Variants in CD300C observed in about 807,000 individuals in gnomAD.
CD300C encodes the protein CMRF35-like molecule 6.
Under a neutral mutation model 18.4 loss-of-function variants are expected in CD300C, and 11 were observed. That is an observed-to-expected ratio of 0.60 (90% CI 0.38 to 0.99). The LOEUF is 0.99. Ranked by LOEUF, CD300C falls within the 50% of genes least tolerant of loss-of-function variation. The probability of loss-of-function intolerance (pLI) is 0.01; values close to 1 mark genes in which losing one functional copy is unlikely to be tolerated. For synonymous variants in CD300C, 116 were observed against 116.3 expected (o/e 1.00, Z 0.02); for missense variants, 277 against 287.4 (o/e 0.96, Z 0.26).
the CD300C span, among the ~76,000 whole-genome samples, chr17:74,535,712 G>A: frequency 0.012 from 1,800 of 151,562 alleles, 41 homozygotes; most frequent in African/African-American, 0.041. Context: ...TTTTTAGTAC[G>A]TTGACTGGTT....
intron 1 of CD300C, 75 bp from the exon 2 acceptor site, chr17:74,545,022 A>G (rs1019979145): frequency 5.1e-6 from 7 of 1,375,152 alleles, no homozygotes; most frequent in Non-Finnish European, 7.0e-6. Flanking sequence ...TCAGCCCCTC[A>G]TGGACCCTGG....
chr17:74,537,713 A>G (rs747014982), downstream of CD300C, among the ~76,000 whole-genome samples: 9 of 152,174 alleles, frequency 5.9e-5, no homozygotes, highest in Non-Finnish European at 2.9e-5. Context: ...GTTCAAAAAT[A>G]AACAAAGCTA....
chr17:74,544,868 C>A lies in CD300C; in HGVS notation c.141G>T (p.Lys47Asn). The change falls in exon 2 of 4, where the codon AAG becomes AAT. Residue 47 changes from lysine to asparagine, a missense_variant. Lys to Asn is a moderately conservative substitution (Grantham distance 94, BLOSUM62 0). Transcript: ENST00000330793. ...AGAATTTGTTGAGGGTCCTGTGTTC[C>A]TTCTCATAGCGACACTGCACACTCA... is the stretch of plus-strand genomic sequence containing the variant. ...GSLSVQCRYE[K>N]EHRTLNKFWC... 1 of 1,614,208 alleles carries A rather than the reference C, an allele frequency of 6.2e-7. No homozygotes were observed. The highest frequency in any genetic ancestry group is 8.5e-7 in the Non-Finnish European group (1 of 1,180,030).
downstream of CD300C, among the ~76,000 whole-genome samples, chr17:74,538,216 C>T (rs932179388): frequency 5.3e-5 from 8 of 152,158 alleles, no homozygotes; most frequent in Admixed American, 3.3e-4. Flanking sequence ...GAGTATGTTG[C>T]TTGGCGCGGT....
intron 3 of CD300C, 27 bp from the exon 4 acceptor site, chr17:74,541,763 A>C (rs998684204): frequency 1.9e-6 from 3 of 1,601,046 alleles, no homozygotes; most frequent in Non-Finnish European, 2.6e-6. Flanking sequence ...ACAGGCAGTG[A>C]GTCACCTCCC....
downstream of CD300C, among the ~76,000 whole-genome samples, chr17:74,537,972 GAGA>G (rs1166196122): frequency 6.6e-6 from 1 of 152,180 alleles, no homozygotes; most frequent in African/African-American, 2.4e-5. Context: ...GGTTTTCTGA[GAGA>G]AGGATAGAAA....
chr17:74,539,287 G>T (rs1437797870), downstream of CD300C, among the ~76,000 whole-genome samples: 1 of 152,102 alleles, frequency 6.6e-6, no homozygotes, highest in Admixed American at 6.5e-5. Context: ...TACACTCTCA[G>T]GGACAGTGTG....
At chr17:74,534,706 A>C in the CD300C span, among the ~76,000 whole-genome samples, 1 of 152,178 alleles carries the variant, frequency 6.6e-6, no homozygotes, top group African/African-American at 2.4e-5. Flanking sequence ...CTGCACTCCA[A>C]CCTGGGTGAC....
At chr17:74,537,411 G>A (rs182767300), downstream of CD300C, among the ~76,000 whole-genome samples, 46 of 152,122 alleles carry the variant, frequency 3.0e-4, no homozygotes, top group African/African-American at 9.4e-4. Flanking sequence ...CAGCACTTTC[G>A]GAGGCTGAGG....
chr17:74,536,115 A>G (rs1329671726), downstream of CD300C, among the ~76,000 whole-genome samples: 1 of 152,020 alleles, frequency 6.6e-6, no homozygotes, highest in Non-Finnish European at 1.5e-5. Flanking sequence ...GATATAGGAT[A>G]ATTTTTTTTT....
chr17:74,544,403 T>C (rs1908672679), intron 2 of CD300C, among the ~76,000 whole-genome samples: 2 of 138,766 alleles, frequency 1.4e-5, no homozygotes, highest in South Asian at 4.8e-4. Context: ...CACATGCAGG[T>C]GCACACACAC....
At chr17:74,538,529 A>G (rs1156690624), downstream of CD300C, among the ~76,000 whole-genome samples, 1 of 152,230 alleles carries the variant, frequency 6.6e-6, no homozygotes, top group East Asian at 1.9e-4. Flanking sequence ...AGCCAGATAC[A>G]TAAGACCAAT....
At chr17:74,537,100 GA>G (rs1172130919), downstream of CD300C, among the ~76,000 whole-genome samples, 2 of 151,502 alleles carry the variant, frequency 1.3e-5, no homozygotes, top group African/African-American at 4.9e-5. Context: ...AGAGTAGGCA[GA>G]AAAGAGTAGA....
rs757457850 is a variant in CD300C, at chr17:74,541,416, C to T, written c.*173G>A. ...ACTCACAGCTCAGGGCGTCCATGTC[C>T]GTCAGGTTCACATGTGACACATGAG... On this transcript the variant is annotated 3_prime_UTR_variant, in exon 4 of 4. Coordinates refer to ENST00000330793, the MANE Select transcript of CD300C (RefSeq NM_006678.5). The T allele has an allele frequency of 3.5e-5, 22 of 635,224 alleles. No individual in the cohort carries two copies. The highest frequency in any genetic ancestry group is 4.8e-5 in the Non-Finnish European group (17 of 351,420). The allele number at this position is 635,224 out of a possible 1,614,324, so 39.3% of individuals were successfully genotyped here.
At chr17:74,542,225 C>T (rs1398105604) in intron 3 of CD300C, among the ~76,000 whole-genome samples, 1 of 152,222 alleles carries the variant, frequency 6.6e-6, no homozygotes, top group Non-Finnish European at 1.5e-5. Flanking sequence ...GAATGGACAG[C>T]TCAGCTCTCA....
Position 74,541,554 on chromosome 17 carries a change from C to G in CD300C, c.*35G>C. On this transcript the variant is annotated 3_prime_UTR_variant, in exon 4 of 4. Coordinates refer to ENST00000330793, the MANE Select transcript of CD300C (RefSeq NM_006678.5). ...GTCATTCCAGTCCCCCAGAGGGGCTCTGTTGCAGCACAGGGCCTTGATGGA... is the reference window on the plus strand; with the variant it reads ...GTCATTCCAGTCCCCCAGAGGGGCTGTGTTGCAGCACAGGGCCTTGATGGA... 1 of 1,487,938 alleles carries G rather than the reference C, an allele frequency of 6.7e-7. No individual in the cohort carries two copies. Among genetic ancestry groups the G allele is most frequent in the Non-Finnish European group, 9.4e-7 (1 of 1,065,292 alleles). 92.2% of individuals were successfully genotyped at this position (1,487,938 alleles called of 1,614,324 possible).
downstream of CD300C, among the ~76,000 whole-genome samples, chr17:74,536,532 C>CAAAAAAAAAAAAAAAAAAA (rs376317178): frequency 2.7e-5 from 3 of 109,210 alleles, no homozygotes; most frequent in Non-Finnish European, 3.7e-5. Context: ...GACTCCGTCT[C>CAAAAAAAAAAAAAAAAAAA]AAAAAAAAAA....
chr17:74,543,018 A>G (rs770163320), intron 2 of CD300C, 31 bp from the exon 3 acceptor site: 1 of 1,612,036 alleles, frequency 6.2e-7, no homozygotes, highest in Admixed American at 1.7e-5. Flanking sequence ...AACCTTGATG[A>G]CATCACATGG....
intron 2 of CD300C, among the ~76,000 whole-genome samples, chr17:74,543,546 G>A (rs544095841): frequency 2.0e-5 from 3 of 152,212 alleles, no homozygotes; most frequent in Non-Finnish European, 4.4e-5. Context: ...GGTGAAGCCT[G>A]GGCGGCGGCC....
Sources: gnomAD v4.1 joint callset for allele counts (sites outside exome capture counted in the v4.1 genomes callset) on GRCh38, gnomAD v4.1.1 for gene constraint, MANE v1.5 for transcripts, NCBI Gene and HGNC (gene_info 2026-07-23, HGNC 2026-07-21) for gene names.